The following SRRM4 variants were observed in gnomAD, a reference collection of about 807,000 sequenced individuals.
SRRM4 encodes serine/arginine repetitive matrix protein 4.
SRRM4 carries 33 observed loss-of-function variants against 68.9 expected under a neutral mutation model. That is an observed-to-expected ratio of 0.48 (90% CI 0.36 to 0.64). The LOEUF (loss-of-function observed/expected upper bound fraction) is 0.64. SRRM4 is among the 30% of genes least tolerant of loss of function. The probability of loss-of-function intolerance (pLI) is 0.00; values close to 1 mark genes in which losing one functional copy is unlikely to be tolerated. For synonymous variants in SRRM4, 318 were observed against 318.8 expected (o/e 1.00, Z 0.03); for missense variants, 817 against 827.1 (o/e 0.99, Z 0.15).
chr12:119,111,000 A>AC (rs1417817957), intron 2 of SRRM4, among the ~76,000 whole-genome samples: 4 of 152,178 alleles, frequency 2.6e-5, no homozygotes, highest in Non-Finnish European at 5.9e-5. Context: ...ACTACTGTGT[A>AC]CCTAACTGCT....
rs1207643796 is a variant in SRRM4 at position 119,022,428 on chromosome 12, T to A, written c.131+40415T>A. On this transcript the variant is annotated intron_variant, in intron 1 of 12. Transcript: ENST00000267260. The stretch of plus-strand genomic sequence containing the variant: ...GTAGTGATTTAAGGCAAAGAGATGA[T>A]CTCCACCAGCCTTCCTTCACATCCA... Among the ~76,000 whole-genome samples the A allele has an allele frequency of 5.3e-5, 8 of 152,244 alleles. No individual in the cohort carries two copies. The South Asian group carries it at 1.7e-3, about 32-fold the overall frequency.
chr12:118,993,473 A>G (rs1333534897), intron 1 of SRRM4, among the ~76,000 whole-genome samples: 6 of 152,166 alleles, frequency 3.9e-5, no homozygotes, highest in Admixed American at 6.5e-5. Context: ...GGGCCCCCAA[A>G]ATTGAAAGGG....
intron 6 of SRRM4, among the ~76,000 whole-genome samples, chr12:119,123,964 G>C (rs972071993): frequency 1.3e-5 from 2 of 152,150 alleles, no homozygotes; most frequent in Admixed American, 1.3e-4. Context: ...GTGGCCTCCC[G>C]CAGGAGGCAG....
At chr12:119,073,791 T>A (rs1286420736) in intron 1 of SRRM4, among the ~76,000 whole-genome samples, 1 of 152,140 alleles carries the variant, frequency 6.6e-6, no homozygotes, top group Non-Finnish European at 1.5e-5. Context: ...TGCTAGTTTT[T>A]TAAATTTTTA....
intron 1 of SRRM4, among the ~76,000 whole-genome samples, chr12:119,002,337 T>G (rs1953389995): frequency 6.6e-6 from 1 of 152,240 alleles, no homozygotes; most frequent in African/African-American, 2.4e-5. Context: ...CACATTGAGT[T>G]AATGTATCTA....
chr12:119,120,185 C>A, intron 4 of SRRM4, 65 bp from the exon 5 acceptor site: 1 of 1,182,266 alleles, frequency 8.5e-7, no homozygotes, highest in Non-Finnish European at 1.2e-6. Context: ...CTCTCTCTCC[C>A]TCTCTTTCTC....
intron 1 of SRRM4, among the ~76,000 whole-genome samples, chr12:119,031,645 A>C (rs1326447897): frequency 6.6e-6 from 1 of 152,214 alleles, no homozygotes; most frequent in African/African-American, 2.4e-5. Context: ...CTAGGAGTAC[A>C]TGAAAAAACC....
chr12:119,019,632 C>T (rs953944782), intron 1 of SRRM4, among the ~76,000 whole-genome samples: 10 of 152,214 alleles, frequency 6.6e-5, no homozygotes, highest in Non-Finnish European at 1.0e-4. Flanking sequence ...CTAACCTACA[C>T]TACCCTTCAT....
intron 1 of SRRM4, among the ~76,000 whole-genome samples, chr12:119,098,175 C>A (rs73213708): frequency 0.038 from 5,780 of 152,328 alleles, 124 homozygotes; most frequent in African/African-American, 0.051. Context: ...AGGCCTTCTG[C>A]CAACAGCCAG....
At chr12:119,022,967 A>G (rs568782600) in intron 1 of SRRM4, among the ~76,000 whole-genome samples, 2 of 152,314 alleles carry the variant, frequency 1.3e-5, no homozygotes, top group South Asian at 4.1e-4. Context: ...TGAGCAGAGC[A>G]TCTCTTTTTG....
intron 1 of SRRM4, among the ~76,000 whole-genome samples, chr12:119,020,008 C>T (rs572466984): frequency 7.1e-6 from 1 of 140,620 alleles, no homozygotes; most frequent in Non-Finnish European, 1.5e-5. Context: ...GCTGCTTAAC[C>T]GTACAGCACC....
intron 2 of SRRM4, among the ~76,000 whole-genome samples, chr12:119,107,545 TG>T (rs1954114800): frequency 6.6e-6 from 1 of 152,240 alleles, no homozygotes; most frequent in African/African-American, 2.4e-5. Context: ...GGTTTAGTCT[TG>T]GGAGGGTCTA....
At chr12:119,002,157 T>A (rs1288463185) in intron 1 of SRRM4, among the ~76,000 whole-genome samples, 1 of 151,808 alleles carries the variant, frequency 6.6e-6, no homozygotes, top group East Asian at 1.9e-4. Flanking sequence ...ATAGACGAAG[T>A]GCTTAGCCCA....
At chr12:119,109,074 C>T (rs963846095) in intron 2 of SRRM4, among the ~76,000 whole-genome samples, 1 of 152,142 alleles carries the variant, frequency 6.6e-6, no homozygotes, top group Non-Finnish European at 1.5e-5. Context: ...TTCTCCTTCA[C>T]TTATGAAGCC....
At chr12:119,107,242 G>A (rs941718151) in intron 2 of SRRM4, among the ~76,000 whole-genome samples, 5 of 152,128 alleles carry the variant, frequency 3.3e-5, no homozygotes, top group African/African-American at 7.2e-5. Flanking sequence ...GAGGATTTTC[G>A]CATCAATGTT....
intron 8 of SRRM4, 136 bp from the exon 9 acceptor site, chr12:119,145,245 G>A: frequency 1.3e-6 from 1 of 761,322 alleles, no homozygotes; most frequent in Non-Finnish European, 2.0e-6. Flanking sequence ...TTGTTTTTTG[G>A]CGTCTCTTCT....
intron 1 of SRRM4, among the ~76,000 whole-genome samples, chr12:119,061,325 A>G (rs144904089): frequency 6.6e-6 from 1 of 152,298 alleles, no homozygotes; most frequent in African/African-American, 2.4e-5. Flanking sequence ...CTGCGTGTGC[A>G]CTTGGGTGTG....
intron 1 of SRRM4, among the ~76,000 whole-genome samples, chr12:119,065,464 C>T (rs536571268): frequency 3.9e-5 from 6 of 152,236 alleles, no homozygotes; most frequent in South Asian, 2.1e-4. Flanking sequence ...TGGCCAGGTG[C>T]GGTGGTTCAT....
chr12:119,101,218 G>A (rs895228459), intron 1 of SRRM4, among the ~76,000 whole-genome samples: 6 of 152,130 alleles, frequency 3.9e-5, no homozygotes, highest in Non-Finnish European at 5.9e-5. Flanking sequence ...TGTTCTCTGC[G>A]TGTCACCAAA....
Sources: gnomAD v4.1 joint callset for allele counts (sites outside exome capture counted in the v4.1 genomes callset) on GRCh38, gnomAD v4.1.1 for gene constraint, MANE v1.5 for transcripts, NCBI Gene and HGNC (gene_info 2026-07-23, HGNC 2026-07-21) for gene names.